Variants in EPHA10 observed in about 807,000 individuals in gnomAD.
EPHA10 encodes the protein ephrin type-A receptor 10.
Under a neutral mutation model 109.7 loss-of-function variants are expected in EPHA10, and 120 were observed. The ratio of observed to expected loss-of-function variants is 1.09; its 90% confidence interval spans 0.94 to 1.27. EPHA10 has a LOEUF of 1.27. EPHA10 is among the 50% of genes most tolerant of loss of function. The pLI is 0.00. For missense variants in EPHA10, 1,396 were observed against 1,411.1 expected (o/e 0.99, Z 0.17); for synonymous variants, 640 against 618.9 (o/e 1.03, Z -0.51).
At position 37,754,452 on chromosome 1, in the gene EPHA10, A is replaced by G; in HGVS notation, c.851-82T>C. 8.3e-7 allele frequency: 1 copy of G among 1,204,410 alleles called. No individual in the cohort carries two copies. 74.6% of individuals were successfully genotyped at this position (1,204,410 alleles called of 1,614,324 possible). A position where few individuals can be genotyped will look rare whatever the true frequency, so the allele number is the denominator to read the frequency against. ...GACTGGCCTGGTTAGGGCAGCGTTTATCTCCTCCAATTGCGATAGAAAAAC... is the reference window on the plus strand; with the variant it reads ...GACTGGCCTGGTTAGGGCAGCGTTTGTCTCCTCCAATTGCGATAGAAAAAC... On this transcript the variant is annotated intron_variant, in intron 3 of 16. Coordinates refer to ENST00000373048, the MANE Select transcript of EPHA10 (RefSeq NM_001099439.2). This position sits in a 1 kb window ranked among gnomAD's most constrained non-coding sequence, Gnocchi z 4.5.
intron 7 of EPHA10, among the ~76,000 whole-genome samples, chr1:37,729,153 C>G (rs1277683530): frequency 7.9e-5 from 12 of 152,074 alleles, no homozygotes; most frequent in Admixed American, 6.5e-4. Context: ...GGACAAGGAA[C>G]AGCATGCCTC....
At chr1:37,728,327 C>A (rs1033002844) in intron 7 of EPHA10, among the ~76,000 whole-genome samples, 2 of 152,110 alleles carry the variant, frequency 1.3e-5, no homozygotes, top group Admixed American at 1.3e-4. Flanking sequence ...CTGTGGGTGA[C>A]AGGGAGCAGT....
Position 37,720,421 on chromosome 1 carries a change from T to C in EPHA10, c.2342A>G (p.Asp781Gly). 6.2e-7 allele frequency: 1 copy of C among 1,613,454 alleles called. No individual in the cohort carries two copies. The highest frequency in any genetic ancestry group is 1.1e-5 in the South Asian group (1 of 91,062). Residue 781 changes from aspartate (D) to glycine (G), a missense_variant, in exon 13 of 17, where the codon GAC becomes GGC. By Grantham distance (94) the Asp-to-Gly change is moderately conservative. Coordinates refer to ENST00000373048, the MANE Select transcript of EPHA10 (RefSeq NM_001099439.2). The stretch of plus-strand genomic sequence containing the variant: ...GAAGCCAGAGATCTTGCAGACAAGG[T>C]CGCTGCTGACCAGCACATGGCGAGC... ...LAARHVLVSSDLVCKISGFGR... is the reference protein window; with the variant it reads ...LAARHVLVSSGLVCKISGFGR...
intron 5 of EPHA10, 144 bp from the exon 6 acceptor site, chr1:37,735,534 A>G: frequency 3.0e-6 from 3 of 989,592 alleles, no homozygotes; most frequent in Non-Finnish European, 4.4e-6. Flanking sequence ...GGGCGGGGCT[A>G]GGGAACTGAC....
chr1:37,756,049 TG>T lies in EPHA10; in HGVS notation c.851-1680del, dbSNP rs1646390483. Among the ~76,000 whole-genome samples the T allele has an allele frequency of 4.6e-5, 7 of 152,286 alleles. No homozygotes were observed. In the South Asian group the frequency reaches 1.4e-3, roughly 32 times the overall value. ...AGAGGGTCCATCTTGCCCAGAGTTC[TG>T]GGCAGCACAACTCTGGGGAGGGGCT... On this transcript the variant is annotated intron_variant, in intron 3 of 16. Coordinates refer to ENST00000373048, the MANE Select transcript of EPHA10 (RefSeq NM_001099439.2).
At chr1:37,736,084 T>C (rs1452159835) in intron 5 of EPHA10, among the ~76,000 whole-genome samples, 1 of 152,224 alleles carries the variant, frequency 6.6e-6, no homozygotes, top group Non-Finnish European at 1.5e-5. Flanking sequence ...TGACATGATC[T>C]TATATGTAGA....
Position 37,761,620 on chromosome 1 carries a change from C to G in EPHA10, c.635G>C (p.Arg212Pro). 1 of 1,603,856 alleles carries G rather than the reference C, an allele frequency of 6.2e-7. No individual in the cohort carries two copies. The highest frequency in any genetic ancestry group is 8.5e-7 in the Non-Finnish European group (1 of 1,179,374). ...VSVRVYYKQC[R>P]ATVRGLATFP... ...CGTGGCCAGGCCCCGCACGGTGGCG[C>G]GGCACTGCTTGTAGTAGACGCGCAC... The change falls in exon 3 of 17, where the codon CGC (arginine) becomes CCC (proline). Residue 212 changes from arginine (R) to proline (P), a missense_variant. By Grantham distance (103) the Arg-to-Pro change is moderately radical. Coordinates refer to ENST00000373048, the MANE Select transcript of EPHA10 (RefSeq NM_001099439.2).
intron 7 of EPHA10, among the ~76,000 whole-genome samples, chr1:37,728,579 T>C (rs1645932299): frequency 6.6e-6 from 1 of 152,014 alleles, no homozygotes; most frequent in Non-Finnish European, 1.5e-5. Context: ...TGCAGCAAGG[T>C]GCCCAGGGAA....
chr1:37,723,732 G>C (rs554372138), intron 8 of EPHA10, among the ~76,000 whole-genome samples: 1 of 152,344 alleles, frequency 6.6e-6, no homozygotes, highest in Non-Finnish European at 1.5e-5. Context: ...CAGCACTCGG[G>C]GGCAGCTTCT....
At chr1:37,720,670 C>G in intron 12 of EPHA10, 113 bp downstream of exon 12, 6 of 1,536,158 alleles carry the variant, frequency 3.9e-6, no homozygotes, top group Non-Finnish European at 5.3e-6. Flanking sequence ...GACCACAGGT[C>G]AGCCCGGCCA....
intron 5 of EPHA10, among the ~76,000 whole-genome samples, chr1:37,751,813 C>T (rs1646332266): frequency 2.0e-5 from 3 of 150,940 alleles, no homozygotes; most frequent in Admixed American, 2.0e-4. Flanking sequence ...GCAGAGGTTG[C>T]AGTGAATCAA....
downstream of EPHA10, chr1:37,714,892 T>C (rs1274751489): frequency 6.6e-6 from 1 of 152,280 alleles, no homozygotes; most frequent in Non-Finnish European, 1.5e-5. Context: ...AGTAAATCCC[T>C]GTCGGCAAAC....
intron 6 of EPHA10, chr1:37,734,798 C>T (rs1407408278): frequency 2.9e-6 from 1 of 348,086 alleles, no homozygotes; most frequent in African/African-American, 2.2e-5. Context: ...ATTATAATAA[C>T]TCATACATTT....
At chr1:37,748,323 C>A (rs1646271554) in intron 5 of EPHA10, among the ~76,000 whole-genome samples, 1 of 152,186 alleles carries the variant, frequency 6.6e-6, no homozygotes, top group Non-Finnish European at 1.5e-5. Flanking sequence ...GGTGCCATTG[C>A]ATTCCAGCCT....
Position 37,753,803 on chromosome 1 carries a change from G to A in EPHA10, c.1006+412C>T, listed in dbSNP as rs528706041. On this transcript the variant is annotated intron_variant, in intron 4 of 16. Coordinates refer to ENST00000373048, the MANE Select transcript of EPHA10 (RefSeq NM_001099439.2). Reference sequence around the variant, plus strand: ...CTTGGGAGGTCGGAATGTGAGAGTGGCGGGGCAGTTGGTGAGGATTTGGGA... The same window carrying A: ...CTTGGGAGGTCGGAATGTGAGAGTGACGGGGCAGTTGGTGAGGATTTGGGA... Among the ~76,000 whole-genome samples the A allele has an allele frequency of 3.9e-5, 6 of 152,054 alleles. No homozygotes were observed. In the South Asian group the frequency reaches 1.2e-3, roughly 32 times the overall value.
At chr1:37,743,652 T>C (rs1256028051) in intron 5 of EPHA10, among the ~76,000 whole-genome samples, 4 of 126,622 alleles carry the variant, frequency 3.2e-5, no homozygotes, top group African/African-American at 5.8e-5. Flanking sequence ...GCACTTTCAG[T>C]ACAGTGTTCA....
At chr1:37,762,879 A>C (rs375028313) in intron 1 of EPHA10, 30 bp from the exon 2 acceptor site, 1 of 1,542,944 alleles carries the variant, frequency 6.5e-7, no homozygotes, top group Non-Finnish European at 8.8e-7. Context: ...GAAATATCAG[A>C]AATCGAGAAG....
Position 37,717,936 on chromosome 1 carries a change from C to A in EPHA10, c.*436G>T, listed in dbSNP as rs1444917321. 1 of 247,746 alleles carries A rather than the reference C, an allele frequency of 4.0e-6. No homozygotes were observed. Among genetic ancestry groups the A allele is most frequent in the South Asian group, 1.3e-4 (1 of 7,436 alleles). 15.3% of individuals were successfully genotyped at this position (247,746 alleles called of 1,614,324 possible). ...ACTGCCAGGTAGAAGAAGACCCCCC[C>A]AGGACCCACGCTGTCTGACTGGTCA... On this transcript the variant is annotated 3_prime_UTR_variant, in exon 17 of 17. Coordinates refer to ENST00000373048, the MANE Select transcript of EPHA10 (RefSeq NM_001099439.2).
chr1:37,761,968 C>G lies in EPHA10; in HGVS notation c.287G>C (p.Gly96Ala), dbSNP rs750974879. Residue 96 changes from glycine to alanine, a missense_variant, in exon 3 of 17, where the codon GGC becomes GCC. Gly to Ala is a moderately conservative substitution (Grantham distance 60). Transcript: ENST00000373048. The part of the protein sequence containing the change: ...NWLQTGWISR[G>A]RGQRIFVELQ... Reference sequence around the variant, plus strand: ...TTCCACGAAGATGCGCTGCCCGCGGCCACGGCTTATCCAGCCAGTCTGCAG... The same window carrying G: ...TTCCACGAAGATGCGCTGCCCGCGGGCACGGCTTATCCAGCCAGTCTGCAG... 6.2e-7 allele frequency: 1 copy of G among 1,614,054 alleles called. No homozygotes were observed. The highest frequency in any genetic ancestry group is 1.3e-5 in the African/African-American group (1 of 74,956).
Sources: gnomAD v4.1 joint callset for allele counts (sites outside exome capture counted in the v4.1 genomes callset) on GRCh38, gnomAD v4.1.1 for gene constraint, Gnocchi (gnomAD v3.1) non-coding constraint, MANE v1.5 for transcripts, NCBI Gene and HGNC (gene_info 2026-07-23, HGNC 2026-07-21) for gene names.